The following PWP1 variants were observed in gnomAD, a reference collection of about 807,000 sequenced individuals.
PWP1 encodes PWP1 homolog, endonuclein, also known as periodic tryptophan protein 1 homolog.
PWP1 carries 47 observed loss-of-function variants against 69.9 expected under a neutral mutation model. The observed-to-expected ratio is 0.67, with a 90% CI of 0.53 to 0.86. The LOEUF (loss-of-function observed/expected upper bound fraction) is 0.86, where lower values mean the gene tolerates loss of function less well. Ranked by LOEUF, PWP1 falls within the 40% of genes least tolerant of loss-of-function variation. The pLI, the probability that PWP1 is intolerant of heterozygous loss-of-function variation, is 0.00. For missense variants in PWP1, 551 were observed against 608.8 expected, an observed-to-expected ratio of 0.91 and a Z score of 1.00; for synonymous variants, 222 against 208.2, an observed-to-expected ratio of 1.07 and a Z score of -0.57.
chr12:107,692,075 CAAAT>C (rs1240015375), intron 3 of PWP1, among the ~76,000 whole-genome samples: 3 of 152,168 alleles, frequency 2.0e-5, no homozygotes, highest in Admixed American at 6.5e-5. Context: ...TACAGAGAAA[CAAAT>C]AACCCAGCCT....
At chr12:107,694,922 C>G (rs1001430112) in intron 5 of PWP1, among the ~76,000 whole-genome samples, 1 of 151,874 alleles carries the variant, frequency 6.6e-6, no homozygotes, top group Non-Finnish European at 1.5e-5. Flanking sequence ...AAAACTGATC[C>G]GAATATTGAT....
At position 107,710,326 on chromosome 12, in the gene PWP1, C is replaced by G. The variant is rs1173068093; in HGVS notation, c.1291-79C>G. 1.9e-6 allele frequency: 3 copies of G among 1,560,556 alleles called. No homozygotes were observed. The African/African-American group carries it at 4.1e-5, about 21-fold the overall frequency. On this transcript the variant is annotated intron_variant, in intron 13 of 14. Transcript: ENST00000412830. Reference sequence around the variant, plus strand: ...TGAATAACCATTTAAATCATAGATTCTTAGAGACAACAGTGAGGATCTAGA... The same window carrying G: ...TGAATAACCATTTAAATCATAGATTGTTAGAGACAACAGTGAGGATCTAGA...
intron 14 of PWP1, among the ~76,000 whole-genome samples, chr12:107,711,746 G>A (rs1368076151): frequency 6.6e-6 from 1 of 152,078 alleles, no homozygotes; most frequent in African/African-American, 2.4e-5. Context: ...ATTCTGATGT[G>A]TGTGAGTCCT....
intron 5 of PWP1, 141 bp downstream of exon 5, chr12:107,693,237 C>A: frequency 7.9e-7 from 1 of 1,268,068 alleles, no homozygotes; most frequent in Non-Finnish European, 1.0e-6. Flanking sequence ...ACACAGGTGG[C>A]CAATTTCTTG....
intron 11 of PWP1, 142 bp from the exon 12 acceptor site, chr12:107,708,784 A>G (rs1417632218): frequency 3.9e-6 from 3 of 770,678 alleles, no homozygotes; most frequent in Non-Finnish European, 6.2e-6. Context: ...GTCGTCCAAA[A>G]GTAAATGATT....
intron 8 of PWP1, among the ~76,000 whole-genome samples, chr12:107,702,243 CT>C (rs71442063): frequency 3.6e-4 from 55 of 151,108 alleles, no homozygotes; most frequent in African/African-American, 1.3e-3. Flanking sequence ...CAGCTTGTCA[CT>C]TTTTTTTTAA....
chr12:107,686,738 G>A (rs1412870932), intron 1 of PWP1, among the ~76,000 whole-genome samples: 2 of 152,234 alleles, frequency 1.3e-5, no homozygotes, highest in African/African-American at 2.4e-5. Flanking sequence ...AGGCCAAGGC[G>A]GGCGGATCAC....
Position 107,702,975 on chromosome 12 carries a change from C to G in PWP1, c.847C>G (p.Leu283Val), listed in dbSNP as rs1889743125. 1.2e-6 allele frequency: 2 copies of G among 1,612,072 alleles called. No individual in the cohort carries two copies. Among genetic ancestry groups the G allele is most frequent in the African/African-American group, 2.7e-5 (2 of 74,872 alleles). ...ASASADNTVI[L>V]WDMSLGKPAA... Reference sequence around the variant, plus strand: ...TGCATCAGCTGACAACACTGTAATTCTGTGGGATATGTCCTTGGGGAAACC... The same window carrying G: ...TGCATCAGCTGACAACACTGTAATTGTGTGGGATATGTCCTTGGGGAAACC... The change falls in exon 9 of 15, where the codon CTG becomes GTG. Residue 283 changes from leucine to valine, a missense_variant. By Grantham distance (32) the Leu-to-Val change is conservative. Coordinates refer to ENST00000412830, the MANE Select transcript of PWP1 (RefSeq NM_007062.3).
Position 107,685,961 on chromosome 12 carries a change from C to T in PWP1, c.62C>T (p.Thr21Ile). The T allele has an allele frequency of 6.2e-7, 1 of 1,613,970 alleles. No homozygotes were observed. Among genetic ancestry groups the T allele is most frequent in the Non-Finnish European group, 8.5e-7 (1 of 1,179,968 alleles). Residue 21 changes from threonine (T) to isoleucine (I), a missense_variant, in exon 1 of 15, where the codon ACA becomes ATA. Coordinates refer to ENST00000412830, the MANE Select transcript of PWP1 (RefSeq NM_007062.3). ...GTCCGCTGCGGCGTGGCCAAAGAGA[C>T]ACCAGACAAGGTGAGGCCTGGTCGC... is the stretch of plus-strand genomic sequence containing the variant. Reference protein sequence around the residue: ...AWVRCGVAKETPDKVELSKEE... With the variant: ...AWVRCGVAKEIPDKVELSKEE...
intron 8 of PWP1, 93 bp from the exon 9 acceptor site, chr12:107,702,842 T>A (rs961977170): frequency 7.7e-6 from 6 of 777,180 alleles, no homozygotes; most frequent in African/African-American, 5.2e-5. Context: ...AGTATTTTAT[T>A]CTTTCTGATG....
At chr12:107,706,749 A>G (rs1181880707) in intron 11 of PWP1, among the ~76,000 whole-genome samples, 2 of 152,086 alleles carry the variant, frequency 1.3e-5, no homozygotes, top group South Asian at 2.1e-4. Flanking sequence ...GTTCTGTTCT[A>G]TTGGTCTACA....
chr12:107,687,269 A>C (rs1471382474), intron 1 of PWP1, among the ~76,000 whole-genome samples: 1 of 152,210 alleles, frequency 6.6e-6, no homozygotes, highest in Non-Finnish European at 1.5e-5. Flanking sequence ...TCGGTGTTAC[A>C]TTTATAGAAT....
chr12:107,697,975 C>T (rs1889625687), intron 7 of PWP1, among the ~76,000 whole-genome samples: 3 of 152,156 alleles, frequency 2.0e-5, no homozygotes, highest in Admixed American at 2.0e-4. Flanking sequence ...TCTAATTATC[C>T]ATGTATTAAC....
chr12:107,697,179 TA>T (rs1412741616), intron 6 of PWP1, among the ~76,000 whole-genome samples: 1 of 152,172 alleles, frequency 6.6e-6, no homozygotes, highest in East Asian at 1.9e-4. Flanking sequence ...TCTCGTTATA[TA>T]AATGAAAACA....
At chr12:107,702,681 G>C (rs181656270) in intron 8 of PWP1, among the ~76,000 whole-genome samples, 7 of 152,290 alleles carry the variant, frequency 4.6e-5, no homozygotes, top group African/African-American at 1.7e-4. Flanking sequence ...TCCATCTGTA[G>C]ATGTAATATT....
At position 107,702,785 on chromosome 12, in the gene PWP1, G is replaced by C. The variant is rs1256442457; in HGVS notation, c.807-150G>C. On this transcript the variant is annotated intron_variant, in intron 8 of 14. Transcript: ENST00000412830. ...TTGTTTCCTTTCATAATCTTCGGTA[G>C]TTTTCATTATGTAAGTCTTACATTT... is the stretch of plus-strand genomic sequence containing the variant. 6.6e-6 allele frequency: 4 copies of C among 607,660 alleles called. No individual in the cohort carries two copies. In the African/African-American group the frequency reaches 7.5e-5, roughly 11 times the overall value. The allele number at this position is 607,660 out of a possible 1,614,324, so 37.6% of individuals were successfully genotyped here.
At chr12:107,700,903 C>G (rs907571553) in intron 8 of PWP1, among the ~76,000 whole-genome samples, 2 of 152,122 alleles carry the variant, frequency 1.3e-5, no homozygotes, top group East Asian at 3.9e-4. Flanking sequence ...CATTTCCCCC[C>G]CTTTTTTTAA....
intron 5 of PWP1, among the ~76,000 whole-genome samples, chr12:107,695,421 A>C (rs1000407001): frequency 6.6e-6 from 1 of 152,224 alleles, no homozygotes; most frequent in Non-Finnish European, 1.5e-5. Flanking sequence ...TAATCCCAGG[A>C]TCTATTCCAG....
In PWP1 at chr12:107,713,126, A is replaced by G. The variant is rs958149310; in HGVS notation, c.*906A>G. On this transcript the variant is annotated 3_prime_UTR_variant, in exon 15 of 15. Coordinates refer to ENST00000412830, the MANE Select transcript of PWP1 (RefSeq NM_007062.3). ...GGTTCACCAAAACACCTTTTTATAC[A>G]AAAGACAGATGTGTGAATTAAAGAG... is the stretch of plus-strand genomic sequence containing the variant. 7.9e-5 allele frequency: 12 copies of G among 152,208 alleles called. No homozygotes were observed. Among genetic ancestry groups the G allele is most frequent in the Non-Finnish European group, 1.8e-4 (12 of 68,052 alleles). The allele number at this position is 152,208 out of a possible 1,614,324, so 9.4% of individuals were successfully genotyped here.
Sources: gnomAD v4.1 joint callset for allele counts (sites outside exome capture counted in the v4.1 genomes callset) on GRCh38, gnomAD v4.1.1 for gene constraint, MANE v1.5 for transcripts, NCBI Gene and HGNC (gene_info 2026-07-23, HGNC 2026-07-21) for gene names.